ZNF84: variants seen among roughly 807,000 people sequenced by gnomAD.
ZNF84 encodes zinc finger protein 84.
ZNF84 carries 12 observed loss-of-function variants against 14.8 expected under a neutral mutation model. The ratio of observed to expected loss-of-function variants is 0.81; its 90% CI spans 0.52 to 1.31. The LOEUF is 1.31. Among genes scored for constraint, ZNF84 ranks in the 50% most tolerant of loss-of-function variants. The probability of loss-of-function intolerance (pLI) is 0.00; values close to 1 mark genes in which losing one functional copy is unlikely to be tolerated. For missense variants in ZNF84, 859 were observed against 878.6 expected (o/e 0.98, Z 0.28); for synonymous variants, 347 against 291.1 (o/e 1.19, Z -1.96).
At position 133,059,868 on chromosome 12, in the gene ZNF84, C is replaced by G. The variant is rs950043412; in HGVS notation, c.*936C>G. On this transcript the variant is annotated 3_prime_UTR_variant, in exon 5 of 5. Transcript: ENST00000539354. ...TAACTTATAGACATACATAAGGGGT[C>G]TTTTGTTTTTATGGACCTTTCTATT... The G allele has an allele frequency of 6.6e-6, 1 of 152,088 alleles. No individual in the cohort carries two copies. Among genetic ancestry groups the G allele is most frequent in the African/African-American group, 2.4e-5 (1 of 41,424 alleles). 9.4% of individuals were successfully genotyped at this position (152,088 alleles called of 1,614,324 possible).
chr12:133,048,983 TTGATGGGTTGGCTGGTCAG>T, intron 4 of ZNF84, 135 bp downstream of exon 4: 1 of 632,120 alleles, frequency 1.6e-6, no homozygotes, highest in Non-Finnish European at 2.7e-6. Context: ...GGGCTGGTCA[TTGATGGGTTGGCTGGTCAG>T]TGATGGGTTG....
At position 133,061,052 on chromosome 12, in the gene ZNF84, A is replaced by T. The variant is rs1720071691; in HGVS notation, c.*2120A>T. 6.6e-6 allele frequency: 1 copy of T among 152,224 alleles called. No individual in the cohort carries two copies. Among genetic ancestry groups the T allele is most frequent in the East Asian group, 1.9e-4 (1 of 5,194 alleles). The allele number at this position is 152,224 out of a possible 1,614,324, so 9.4% of individuals were successfully genotyped here. A position where few individuals can be genotyped will look rare whatever the true frequency, so the allele number is the denominator to read the frequency against. The stretch of plus-strand genomic sequence containing the variant: ...TTTGCAACATTTTGGGAAAGTTGGA[A>T]TTTTAAATAAATGAATAATTTTCTA... On this transcript the variant is annotated 3_prime_UTR_variant, in exon 5 of 5. Coordinates refer to ENST00000539354, the MANE Select transcript of ZNF84 (RefSeq NM_001289971.2).
intron 1 of ZNF84, among the ~76,000 whole-genome samples, chr12:133,038,379 TCA>T (rs1953825893): frequency 6.6e-6 from 1 of 152,136 alleles, no homozygotes; most frequent in Non-Finnish European, 1.5e-5. Flanking sequence ...GTGGGCCTGT[TCA>T]CACTCATTAT....
At chr12:133,050,463 T>C (rs1954052163) in intron 4 of ZNF84, 1 of 398,616 alleles carries the variant, frequency 2.5e-6, no homozygotes, top group Non-Finnish European at 4.4e-6. Flanking sequence ...GTAGGAATCA[T>C]GTCAGAGTAT....
chr12:133,062,995 A>T lies in ZNF84; in HGVS notation c.*4063A>T. 2 of 656,172 alleles carry T rather than the reference A, an allele frequency of 3.0e-6. No individual in the cohort carries two copies. The highest frequency in any genetic ancestry group is 4.6e-5 in the Admixed American group (2 of 43,184). The allele number at this position is 656,172 out of a possible 1,614,324, so 40.6% of individuals were successfully genotyped here. ...AATCATTGCATGTTTTATCTTTCCC[A>T]CTAGAAAGCTTCTAGAAAGCTAGTA... On this transcript the variant is annotated 3_prime_UTR_variant, in exon 5 of 5. Transcript: ENST00000539354.
chr12:133,048,843 C>T lies in ZNF84; in HGVS notation c.233C>T (p.Ser78Phe). 4 of 1,612,566 alleles carry T rather than the reference C, an allele frequency of 2.5e-6. No individual in the cohort carries two copies. In the Admixed American group the frequency reaches 5.0e-5, roughly 20 times the overall value. Residue 78 changes from serine to phenylalanine, a missense_variant, in exon 4 of 5, where the codon TCT becomes TTT. Coordinates refer to ENST00000539354, the MANE Select transcript of ZNF84 (RefSeq NM_001289971.2). ...GATGGAGAAATTCCAAGTTCAGATTCTCCAGGTGAGTGTATGAGAACCAGG... is the reference window on the plus strand; with the variant it reads ...GATGGAGAAATTCCAAGTTCAGATTTTCCAGGTGAGTGTATGAGAACCAGG... ...VGDGEIPSSD[S>F]PEVWKVDGNM...
chr12:133,042,410 A>G (rs1953902706), intron 2 of ZNF84, among the ~76,000 whole-genome samples: 2 of 152,206 alleles, frequency 1.3e-5, no homozygotes, highest in Non-Finnish European at 1.5e-5. Context: ...TGCAGAAGTT[A>G]TAGTCTCAGT....
At chr12:133,040,281 G>T (rs1227778500) in intron 1 of ZNF84, among the ~76,000 whole-genome samples, 1 of 152,020 alleles carries the variant, frequency 6.6e-6, no homozygotes, top group East Asian at 1.9e-4. Context: ...GAATGCTGAA[G>T]CCAGGTGTGG....
In ZNF84 at chr12:133,063,111, T is replaced by G. The variant is rs992129903; in HGVS notation, c.*4179T>G. The stretch of plus-strand genomic sequence containing the variant: ...CTGTTTTCTGCCACATGGAGAAACA[T>G]GGTCTGCAGTGAGAGAGAAGAATGA... On this transcript the variant is annotated 3_prime_UTR_variant, in exon 5 of 5. Coordinates refer to ENST00000539354, the MANE Select transcript of ZNF84 (RefSeq NM_001289971.2). The G allele has an allele frequency of 1.4e-5, 10 of 702,204 alleles. No individual in the cohort carries two copies. The highest frequency in any genetic ancestry group is 2.3e-5 in the Non-Finnish European group (9 of 384,838). 43.5% of individuals were successfully genotyped at this position (702,204 alleles called of 1,614,324 possible). A position where few individuals can be genotyped will look rare whatever the true frequency, so the allele number is the denominator to read the frequency against.
chr12:133,044,801 C>T (rs1317128852), intron 2 of ZNF84, among the ~76,000 whole-genome samples: 1 of 151,706 alleles, frequency 6.6e-6, no homozygotes, highest in Non-Finnish European at 1.5e-5. Context: ...GTTATCCTAG[C>T]TACTTGGGAG....
intron 2 of ZNF84, among the ~76,000 whole-genome samples, chr12:133,046,831 T>C (rs1953986187): frequency 6.8e-6 from 1 of 146,040 alleles, no homozygotes; most frequent in Non-Finnish European, 1.5e-5. Flanking sequence ...CCAGCTAATA[T>C]TTATATATAT....
chr12:133,052,885 A>G (rs1365871104), intron 4 of ZNF84, among the ~76,000 whole-genome samples: 31 of 152,196 alleles, frequency 2.0e-4, no homozygotes, highest in Admixed American at 2.0e-3. Context: ...ATAAATAACA[A>G]TATGTGAAGT....
At chr12:133,037,822 TTTAGCCTCGG>T (rs1953811925) in intron 1 of ZNF84, 1 of 46,648 alleles carries the variant, frequency 2.1e-5, no homozygotes, top group South Asian at 8.7e-4. Flanking sequence ...CTCGGGCGCG[TTTAGCCTCGG>T]GCGCGTTTAG....
chr12:133,038,871 A>G lies in ZNF84; in HGVS notation c.-191+1326A>G, dbSNP rs373313537. The G allele has an allele frequency of 6.6e-5, 10 of 152,212 alleles. No homozygotes were observed. In the South Asian group the frequency reaches 1.0e-3, roughly 16 times the overall value. 9.4% of individuals were successfully genotyped at this position (152,212 alleles called of 1,614,324 possible). ...ATTTTATGTGAGTTGTTTATATCTT[A>G]CAGAAATAAGGTTATTGACCTGGAA... On this transcript the variant is annotated intron_variant, in intron 1 of 4. Coordinates refer to ENST00000539354, the MANE Select transcript of ZNF84 (RefSeq NM_001289971.2).
intron 2 of ZNF84, chr12:133,047,655 C>T (rs1954005558): frequency 4.9e-6 from 1 of 203,756 alleles, no homozygotes; most frequent in Non-Finnish European, 1.0e-5. Context: ...TCTTTCTTTA[C>T]CTCCCTGGAT....
intron 2 of ZNF84, 193 bp from the exon 3 acceptor site, chr12:133,047,761 AG>A (rs2137367010): frequency 2.0e-6 from 1 of 495,670 alleles, no homozygotes; most frequent in East Asian, 3.7e-5. Flanking sequence ...TTTAATCTTT[AG>A]GTTAACAGTT....
chr12:133,037,671 C>T (rs1953807241), intron 1 of ZNF84, 126 bp downstream of exon 1: 1 of 140,818 alleles, frequency 7.1e-6, no homozygotes, highest in African/African-American at 2.6e-5. Context: ...GGATGCGGGT[C>T]TGGGGCGGGT....
In ZNF84 at chr12:133,056,886, AGTTTTGTTTT is replaced by A. The variant is rs1323572505; in HGVS notation, c.239-52_239-43del. On this transcript the variant is annotated intron_variant, in intron 4 of 4. Coordinates refer to ENST00000539354, the MANE Select transcript of ZNF84 (RefSeq NM_001289971.2). Reference sequence around the variant, plus strand: ...GCCAACCCCTCAACATAGCATTTCTAGTTTTGTTTTGTTTTGTTTTGTTTTTAGAAAGCAC... The same window carrying A: ...GCCAACCCCTCAACATAGCATTTCTAGTTTTGTTTTGTTTTTAGAAAGCAC... 128 of 1,370,968 alleles carry A rather than the reference AGTTTTGTTTT, an allele frequency of 9.3e-5. 2 individuals carry two copies. In the Middle Eastern group the frequency reaches 5.6e-3, roughly 60 times the overall value. The allele number at this position is 1,370,968 out of a possible 1,614,324, so 84.9% of individuals were successfully genotyped here. A position where few individuals can be genotyped will look rare whatever the true frequency, so the allele number is the denominator to read the frequency against.
Position 133,048,791 on chromosome 12 carries a change from G to C in ZNF84, c.181G>C (p.Glu61Gln). The C allele has an allele frequency of 6.2e-7, 1 of 1,613,862 alleles. No individual in the cohort carries two copies. Among genetic ancestry groups the C allele is most frequent in the Non-Finnish European group, 8.5e-7 (1 of 1,179,892 alleles). The change falls in exon 4 of 5, where the codon GAG (glutamate) becomes CAG (glutamine). Residue 61 changes from glutamate to glutamine, a missense_variant. Glu to Gln is a conservative substitution (Grantham distance 29). Coordinates refer to ENST00000539354, the MANE Select transcript of ZNF84 (RefSeq NM_001289971.2). ...GAAACCAGATGTCATCTTCAAATTG[G>C]AGCAAGGAGAAGAGCCGTGGGTAGG... ...VMKPDVIFKL[E>Q]QGEEPWVGDG...
Sources: gnomAD v4.1 joint callset for allele counts (sites outside exome capture counted in the v4.1 genomes callset) on GRCh38, gnomAD v4.1.1 for gene constraint, MANE v1.5 for transcripts, NCBI Gene and HGNC (gene_info 2026-07-23, HGNC 2026-07-21) for gene names.